The following GFRA3 variants were observed in gnomAD, a reference collection of about 807,000 sequenced individuals.
GFRA3 encodes the protein GDNF family receptor alpha 3, also known as GDNF family receptor alpha-3.
Under a neutral mutation model 40.0 loss-of-function variants are expected in GFRA3, and 24 were observed. The ratio of observed to expected loss-of-function variants is 0.60; its 90% CI spans 0.43 to 0.84. GFRA3 has a LOEUF of 0.84. Among genes scored for constraint, GFRA3 ranks in the 40% least tolerant of loss-of-function variants. GFRA3 has a pLI of 0.00. For missense variants in GFRA3, 405 were observed against 530.6 expected, an observed-to-expected ratio of 0.76 and a Z score of 2.33; for synonymous variants, 203 against 213.5, an observed-to-expected ratio of 0.95 and a Z score of 0.43.
intron 1 of GFRA3, among the ~76,000 whole-genome samples, chr5:138,264,843 A>G (rs544101822): frequency 3.3e-5 from 5 of 152,268 alleles, no homozygotes; most frequent in African/African-American, 1.2e-4. Flanking sequence ...GGCGAGCCTG[A>G]TGACCCTGAC....
chr5:138,259,794 G>T, intron 2 of GFRA3, 145 bp from the exon 3 acceptor site: 1 of 667,994 alleles, frequency 1.5e-6, no homozygotes. Context: ...GCTGTGCAAA[G>T]ATGAGAAAAA....
chr5:138,259,536 G>A (rs375217717), intron 3 of GFRA3, 21 bp downstream of exon 3: 69 of 1,143,130 alleles, frequency 6.0e-5, no homozygotes, highest in Non-Finnish European at 7.6e-5. Context: ...TCTGGTTCCC[G>A]AGCCTAGTTG....
chr5:138,263,189 A>G (rs575154815), intron 2 of GFRA3, among the ~76,000 whole-genome samples: 1 of 151,194 alleles, frequency 6.6e-6, no homozygotes, highest in Non-Finnish European at 1.5e-5. Context: ...CTGGTCTTGA[A>G]CTCCTGAACT....
At chr5:138,262,449 T>A (rs936469261) in intron 2 of GFRA3, among the ~76,000 whole-genome samples, 4 of 152,152 alleles carry the variant, frequency 2.6e-5, no homozygotes, top group Non-Finnish European at 5.9e-5. Context: ...TGTCTCCCAT[T>A]CATTCATTCA....
intron 4 of GFRA3, among the ~76,000 whole-genome samples, chr5:138,256,641 T>C (rs999570572): frequency 1.7e-4 from 26 of 151,948 alleles, no homozygotes; most frequent in African/African-American, 6.0e-4. Flanking sequence ...TGGAATATAA[T>C]GCAGGCATTT....
At chr5:138,262,265 G>C (rs1361781272) in intron 2 of GFRA3, among the ~76,000 whole-genome samples, 1 of 152,080 alleles carries the variant, frequency 6.6e-6, no homozygotes, top group Non-Finnish European at 1.5e-5. Context: ...GAAAGAGGAA[G>C]GACCTTTCCA....
At chr5:138,261,158 C>T (rs1034036145) in intron 2 of GFRA3, among the ~76,000 whole-genome samples, 8 of 152,150 alleles carry the variant, frequency 5.3e-5, no homozygotes, top group Non-Finnish European at 1.2e-4. Flanking sequence ...GGAAAGATGG[C>T]AGTCTTCATT....
Position 138,257,916 on chromosome 5 carries a change from T to C in GFRA3, c.508A>G (p.Thr170Ala). The change falls in exon 4 of 8, where the codon ACT (threonine) becomes GCT (alanine). Residue 170 changes from threonine (T) to alanine (A), a missense_variant. Physicochemically the swap from Thr to Ala is moderately conservative, Grantham distance 58. Transcript: ENST00000274721. ...AGCCGGTCACACTTGTCATTGAGAG[T>C]ACACAGCATGGCAAACTTGAGGCAG... ...DLCLKFAMLC[T>A]LNDKCDRLRK... is the part of the protein sequence containing the mutation. 1 of 1,613,790 alleles carries C rather than the reference T, an allele frequency of 6.2e-7. No homozygotes were observed. The highest frequency in any genetic ancestry group is 2.2e-5 in the East Asian group (1 of 44,866).
chr5:138,260,254 A>G (rs1052553997), intron 2 of GFRA3, among the ~76,000 whole-genome samples: 2 of 152,134 alleles, frequency 1.3e-5, no homozygotes, highest in African/African-American at 4.8e-5. Context: ...ATCACATCTG[A>G]GCAGAAGCTT....
At chr5:138,259,829 G>T (rs1254149958) in intron 2 of GFRA3, among the ~76,000 whole-genome samples, 180 bp from the exon 3 acceptor site, 2 of 152,068 alleles carry the variant, frequency 1.3e-5, no homozygotes, top group Non-Finnish European at 2.9e-5. Context: ...GTATAGGCTG[G>T]GCTCCACCAA....
At chr5:138,258,499 T>C (rs1299248060) in intron 3 of GFRA3, among the ~76,000 whole-genome samples, 1 of 152,020 alleles carries the variant, frequency 6.6e-6, no homozygotes, top group Non-Finnish European at 1.5e-5. Flanking sequence ...TCATCTTGAC[T>C]ACGTAAAATA....
chr5:138,265,666 T>C (rs1045717449), intron 1 of GFRA3, among the ~76,000 whole-genome samples: 2 of 152,032 alleles, frequency 1.3e-5, no homozygotes, highest in African/African-American at 4.8e-5. Context: ...CTCTTCTTTC[T>C]TCCTTCTCCT....
Position 138,264,308 on chromosome 5 carries a change from A to G in GFRA3, c.332T>C (p.Val111Ala). Reference protein sequence around the residue: ...CMCHRRMKNQVACLDIYWTVH... With the variant: ...CMCHRRMKNQAACLDIYWTVH... ...GGTCCAATAGATGTCCAAGCAGGCA[A>G]CCTGGTTCTTCATGCGCCGGTGGCA... Residue 111 changes from valine (V) to alanine (A), a missense_variant, in exon 2 of 8, where the codon GTT becomes GCT. Val to Ala is a moderately conservative substitution (Grantham distance 64). Coordinates refer to ENST00000274721, the MANE Select transcript of GFRA3 (RefSeq NM_001496.4). The G allele has an allele frequency of 6.2e-7, 1 of 1,612,428 alleles. No individual in the cohort carries two copies. The highest frequency in any genetic ancestry group is 8.5e-7 in the Non-Finnish European group (1 of 1,178,602).
chr5:138,252,723 G>A lies in GFRA3; in HGVS notation c.*245C>T. ...CTCAGAAAGGGGCTTGGTGGAGCTG[G>A]TCACCACCAGATGACATGGCTAAAT... On this transcript the variant is annotated 3_prime_UTR_variant, in exon 8 of 8. Coordinates refer to ENST00000274721, the MANE Select transcript of GFRA3 (RefSeq NM_001496.4). The A allele has an allele frequency of 2.5e-6, 1 of 405,608 alleles. No homozygotes were observed. The highest frequency in any genetic ancestry group is 4.5e-6 in the Non-Finnish European group (1 of 221,998). The allele number at this position is 405,608 out of a possible 1,614,324, so 25.1% of individuals were successfully genotyped here.
intron 3 of GFRA3, 24 bp downstream of exon 3, chr5:138,259,533 C>T (rs372677396): frequency 1.8e-6 from 2 of 1,083,434 alleles, no homozygotes; most frequent in Non-Finnish European, 2.9e-6. Flanking sequence ...GCCTCTGGTT[C>T]CCGAGCCTAG....
chr5:138,261,766 A>G (rs1020772834), intron 2 of GFRA3, among the ~76,000 whole-genome samples: 9 of 151,912 alleles, frequency 5.9e-5, no homozygotes, highest in African/African-American at 2.2e-4. Flanking sequence ...AAGGTAAAAG[A>G]TAAAACATAA....
At chr5:138,267,622 A>G (rs965483491) in intron 1 of GFRA3, 9 of 212,524 alleles carry the variant, frequency 4.2e-5, no homozygotes, top group Non-Finnish European at 8.0e-5. Context: ...GTTGCTTGCC[A>G]GCAAAGATCA....
chr5:138,270,371 C>CAA (rs776243779), intron 1 of GFRA3, among the ~76,000 whole-genome samples: 21 of 76,420 alleles, frequency 2.7e-4, no homozygotes, highest in African/African-American at 6.4e-4. Flanking sequence ...GACTCCGTCT[C>CAA]AAAAAAAAAA....
At chr5:138,253,181 G>T in intron 7 of GFRA3, 106 bp downstream of exon 7, 2 of 862,190 alleles carry the variant, frequency 2.3e-6, no homozygotes, top group Non-Finnish European at 3.9e-6. Flanking sequence ...AGTATTCAGG[G>T]CAATGAGGAG....
Sources: gnomAD v4.1 joint callset for allele counts (sites outside exome capture counted in the v4.1 genomes callset) on GRCh38, gnomAD v4.1.1 for gene constraint, MANE v1.5 for transcripts, NCBI Gene and HGNC (gene_info 2026-07-23, HGNC 2026-07-21) for gene names.